CUBN: variants seen among roughly 807,000 people sequenced by gnomAD.
CUBN encodes cubilin.
A neutral mutation model predicts 405.3 loss-of-function variants in CUBN; 282 were observed. That is an observed-to-expected ratio of 0.70 (90% CI 0.63 to 0.77). The LOEUF is 0.77. CUBN is among the 30% of genes least tolerant of loss of function. The pLI, the probability that CUBN is intolerant of heterozygous loss-of-function variation, is 0.00. For synonymous variants in CUBN, 1,684 were observed against 1,617.0 expected (o/e 1.04, Z -0.99); for missense variants, 4,514 against 4,475.2 (o/e 1.01, Z -0.25).
Position 16,954,504 on chromosome 10 carries a change from C to A in CUBN, c.4740G>T (p.Thr1580=). Residue 1580 remains threonine (T), a synonymous_variant, in exon 32 of 67, where the codon ACG becomes ACT. Coordinates refer to ENST00000377833, the MANE Select transcript of CUBN (RefSeq NM_001081.4). ...LSSTMSRLAR[T]CGREQLANPI... ...GGTTAGCCAGCTGCTCCCTTCCACA[C>A]GTCCTGGCAAGGCGGGACATTGTGG... is the stretch of plus-strand genomic sequence containing the variant. 1 of 1,613,994 alleles carries A rather than the reference C, an allele frequency of 6.2e-7. No homozygotes were observed. The highest frequency in any genetic ancestry group is 8.5e-7 in the Non-Finnish European group (1 of 1,180,022).
At chr10:17,067,289 A>T (rs1835632075) in intron 21 of CUBN, among the ~76,000 whole-genome samples, 1 of 152,206 alleles carries the variant, frequency 6.6e-6, no homozygotes, top group Non-Finnish European at 1.5e-5. Context: ...AAAAAAATTC[A>T]TGTGTAAAGT....
chr10:16,918,310 T>C (rs1220439988), intron 45 of CUBN, among the ~76,000 whole-genome samples: 1 of 152,186 alleles, frequency 6.6e-6, no homozygotes, highest in Non-Finnish European at 1.5e-5. Flanking sequence ...TTAAAATAGT[T>C]TTTTCTAGTT....
intron 17 of CUBN, among the ~76,000 whole-genome samples, chr10:17,072,560 T>A (rs1284247720): frequency 6.6e-6 from 1 of 152,040 alleles, no homozygotes; most frequent in Non-Finnish European, 1.5e-5. Context: ...TATGTACAAT[T>A]TTTTTAAGTT....
intron 31 of CUBN, among the ~76,000 whole-genome samples, chr10:16,977,788 C>A (rs1476685019): frequency 6.6e-6 from 1 of 152,198 alleles, no homozygotes; most frequent in Non-Finnish European, 1.5e-5. Context: ...TCCAGAAGCA[C>A]TCTCCCCGGC....
chr10:17,127,297 A>C (rs924980929), intron 3 of CUBN, among the ~76,000 whole-genome samples: 23 of 100,804 alleles, frequency 2.3e-4, no homozygotes, highest in Admixed American at 7.1e-4. Flanking sequence ...GCAAGGTCCC[A>C]CTCTGTTGCC....
intron 60 of CUBN, among the ~76,000 whole-genome samples, chr10:16,849,345 G>C (rs1270809468): frequency 7.5e-6 from 1 of 133,102 alleles, no homozygotes; most frequent in Non-Finnish European, 1.8e-5. Flanking sequence ...TTTTCCTGGA[G>C]CTGAGAGCCT....
intron 31 of CUBN, among the ~76,000 whole-genome samples, chr10:16,961,437 A>C (rs1843214311): frequency 2.0e-5 from 3 of 152,162 alleles, no homozygotes; most frequent in African/African-American, 7.2e-5. Flanking sequence ...TAAAGTTAAC[A>C]TGTGTTCAAC....
intron 6 of CUBN, among the ~76,000 whole-genome samples, chr10:17,121,056 A>G (rs1463777099): frequency 6.6e-6 from 1 of 152,238 alleles, no homozygotes; most frequent in East Asian, 1.9e-4. Flanking sequence ...CTTCCAGCCC[A>G]AGCCTAACAA....
At chr10:16,980,097 A>G (rs1833220234) in intron 31 of CUBN, among the ~76,000 whole-genome samples, 1 of 152,230 alleles carries the variant, frequency 6.6e-6, no homozygotes, top group Non-Finnish European at 1.5e-5. Flanking sequence ...AAAAAAGTTC[A>G]CCATCACTGG....
chr10:17,036,975 C>T (rs1404754125), intron 27 of CUBN, among the ~76,000 whole-genome samples: 1 of 152,142 alleles, frequency 6.6e-6, no homozygotes, highest in Non-Finnish European at 1.5e-5. Context: ...GGCCTTGACA[C>T]TTATAATCTT....
intron 63 of CUBN, 105 bp from the exon 64 acceptor site, chr10:16,835,300 G>GA (rs1316213476): frequency 8.7e-6 from 9 of 1,030,888 alleles, no homozygotes; most frequent in South Asian, 1.3e-5. Context: ...ATAAACTTTA[G>GA]AAAAAAGTAA....
At chr10:16,846,287 A>C (rs1403654627) in intron 60 of CUBN, among the ~76,000 whole-genome samples, 1 of 152,202 alleles carries the variant, frequency 6.6e-6, no homozygotes, top group Non-Finnish European at 1.5e-5. Context: ...ATTTGTTTAC[A>C]TTTATACTTT....
intron 54 of CUBN, among the ~76,000 whole-genome samples, chr10:16,891,880 G>A (rs935180681): frequency 4.6e-5 from 7 of 151,990 alleles, no homozygotes; most frequent in African/African-American, 9.7e-5. Context: ...CAGGACTATT[G>A]CTACACAATC....
At chr10:17,015,910 G>A (rs1252999653) in intron 28 of CUBN, among the ~76,000 whole-genome samples, 1 of 152,114 alleles carries the variant, frequency 6.6e-6, no homozygotes, top group Non-Finnish European at 1.5e-5. Context: ...TTTGTCTGAG[G>A]ACCATGACTA....
rs1371775660 is a variant in CUBN, at chr10:16,902,284, G to C, written c.8063-825C>G. Among the ~76,000 whole-genome samples, 3 of 131,330 alleles carry C rather than the reference G, an allele frequency of 2.3e-5. No homozygotes were observed. In the South Asian group the frequency reaches 7.0e-4, roughly 31 times the overall value. The allele number at this position is 131,330 out of a possible 152,430, so 86.2% of individuals were successfully genotyped here. A position where few individuals can be genotyped will look rare whatever the true frequency, so the allele number is the denominator to read the frequency against. On this transcript the variant is annotated intron_variant, in intron 51 of 66. Coordinates refer to ENST00000377833, the MANE Select transcript of CUBN (RefSeq NM_001081.4). ...GTATATATATATTTGTATATATATA[G>C]TACATATATATTTGTGTATATATAG...
At chr10:16,980,644 G>C (rs1470141438) in intron 31 of CUBN, among the ~76,000 whole-genome samples, 2 of 152,120 alleles carry the variant, frequency 1.3e-5, no homozygotes, top group African/African-American at 4.8e-5. Flanking sequence ...TGAACAATGA[G>C]AACGCATGGA....
At chr10:16,962,196 A>T (rs887419790) in intron 31 of CUBN, among the ~76,000 whole-genome samples, 2 of 152,194 alleles carry the variant, frequency 1.3e-5, no homozygotes, top group African/African-American at 2.4e-5. Context: ...ACTGTTCACA[A>T]GAATAAGTTA....
intron 14 of CUBN, among the ~76,000 whole-genome samples, chr10:17,092,951 A>C (rs1041239872): frequency 1.5e-4 from 23 of 152,338 alleles, no homozygotes; most frequent in African/African-American, 5.5e-4. Flanking sequence ...GTAAGGAATT[A>C]TTGTTTGTTT....
intron 22 of CUBN, among the ~76,000 whole-genome samples, chr10:17,049,406 A>G (rs1835211766): frequency 6.6e-6 from 1 of 152,204 alleles, no homozygotes; most frequent in Admixed American, 6.5e-5. Context: ...CTGGAGGGGA[A>G]ATACAATTGT....
Sources: allele counts gnomAD v4.1 joint callset (sites outside exome capture counted in the v4.1 genomes callset), GRCh38; gene constraint gnomAD v4.1.1; transcripts MANE v1.5; gene names NCBI Gene and HGNC (gene_info 2026-07-23, HGNC 2026-07-21).